MLF1: variants seen among roughly 807,000 people sequenced by gnomAD.
The protein encoded by MLF1 is myelodysplasia-myeloid leukemia factor 1.
Under a neutral mutation model 38.3 loss-of-function variants are expected in MLF1, and 37 were observed. The ratio of observed to expected loss-of-function variants is 0.96; its 90% CI spans 0.74 to 1.27. MLF1 has a LOEUF of 1.27. Among genes scored for constraint, MLF1 ranks in the 50% most tolerant of loss-of-function variants. The probability of loss-of-function intolerance (pLI) is 0.00; values close to 1 mark genes in which losing one functional copy is unlikely to be tolerated. For synonymous variants in MLF1, 95 were observed against 106.5 expected (o/e 0.89, Z 0.66); for missense variants, 331 against 349.2 (o/e 0.95, Z 0.42).
At position 158,605,018 on chromosome 3, in the gene MLF1, T is replaced by C. The variant is rs1720335700; in HGVS notation, c.747-79T>C. On this transcript the variant is annotated intron_variant, in intron 7 of 7. Coordinates refer to ENST00000466246, the MANE Select transcript of MLF1 (RefSeq NM_001369783.1). The stretch of plus-strand genomic sequence containing the variant: ...TAAAACTTTTCTTATATTACAGTGG[T>C]TTTTAACATGTTTGTATTGATTTAT... 1.1e-5 allele frequency: 12 copies of C among 1,067,874 alleles called. No individual in the cohort carries two copies. In the South Asian group the frequency reaches 1.8e-4, roughly 16 times the overall value. The allele number at this position is 1,067,874 out of a possible 1,614,324, so 66.1% of individuals were successfully genotyped here.
At chr3:158,602,031 T>C (rs1426722807) in intron 6 of MLF1, among the ~76,000 whole-genome samples, 1 of 152,152 alleles carries the variant, frequency 6.6e-6, no homozygotes, top group Non-Finnish European at 1.5e-5. Flanking sequence ...TTAGCCAGGA[T>C]GGTCTTGATC....
At chr3:158,587,135 A>G (rs1203208733) in intron 1 of MLF1, among the ~76,000 whole-genome samples, 1 of 152,238 alleles carries the variant, frequency 6.6e-6, no homozygotes, top group African/African-American at 2.4e-5. Flanking sequence ...CATGCTTGGG[A>G]TATACTAAAT....
intron 1 of MLF1, among the ~76,000 whole-genome samples, chr3:158,588,613 A>C (rs1412371631): frequency 2.1e-5 from 2 of 96,214 alleles, no homozygotes; most frequent in Non-Finnish European, 2.0e-5. Context: ...AAAAAAAAAA[A>C]AAAAAAAAAA....
chr3:158,571,350 G>C lies in MLF1; in HGVS notation c.47+3G>C. Reference sequence around the variant, plus strand: ...TTTGAGGATGACCCCTTCTTCTCGTGAGTTACGGGAGCCAGGAGTCCGGGG... The same window carrying C: ...TTTGAGGATGACCCCTTCTTCTCGTCAGTTACGGGAGCCAGGAGTCCGGGG... On this transcript the variant is annotated splice_donor_region_variant and intron_variant, in intron 1 of 7. Transcript: ENST00000466246. 1 of 1,613,190 alleles carries C rather than the reference G, an allele frequency of 6.2e-7. No homozygotes were observed. The highest frequency in any genetic ancestry group is 8.5e-7 in the Non-Finnish European group (1 of 1,179,950).
rs543464067 is a variant in MLF1, at chr3:158,585,960, G to A, written c.48-6474G>A. Among the ~76,000 whole-genome samples the A allele has an allele frequency of 5.9e-4, 90 of 152,140 alleles. 1 individual carries two copies. Among genetic ancestry groups the A allele is most frequent in the African/African-American group, 2.1e-3 (86 of 41,504 alleles). ...ATGGATTGCCTGAGGTCAGGAGTTC[G>A]AGACCAGCCAGGCCAACATAGTAAA... On this transcript the variant is annotated intron_variant, in intron 1 of 7. Transcript: ENST00000466246.
At chr3:158,597,773 C>G (rs1437630817) in intron 4 of MLF1, among the ~76,000 whole-genome samples, 3 of 152,170 alleles carry the variant, frequency 2.0e-5, no homozygotes, top group African/African-American at 7.2e-5. Flanking sequence ...TTATTGAAAT[C>G]TAAGCCACGA....
rs1412833293 is a variant in MLF1, at chr3:158,605,978, A to C, written c.*776A>C. The C allele has an allele frequency of 1.6e-5, 3 of 183,536 alleles. No homozygotes were observed. The highest frequency in any genetic ancestry group is 2.3e-5 in the Non-Finnish European group (2 of 86,418). 11.4% of individuals were successfully genotyped at this position (183,536 alleles called of 1,614,324 possible). On this transcript the variant is annotated 3_prime_UTR_variant, in exon 8 of 8. Coordinates refer to ENST00000466246, the MANE Select transcript of MLF1 (RefSeq NM_001369783.1). ...ATCTGTCTCCAAGGTTAACATTCTG[A>C]AGCTGGAGAGTCCTTGGAGAAACTC...
chr3:158,598,028 C>T, intron 4 of MLF1, 52 bp from the exon 5 acceptor site: 2 of 1,586,398 alleles, frequency 1.3e-6, no homozygotes, highest in Non-Finnish European at 1.7e-6. Context: ...AACTCTCTGG[C>T]AATAATTATT....
intron 7 of MLF1, among the ~76,000 whole-genome samples, chr3:158,603,433 G>A (rs947609309): frequency 6.6e-6 from 1 of 152,150 alleles, no homozygotes; most frequent in Non-Finnish European, 1.5e-5. Context: ...TACCATATTC[G>A]ATGTGTATTA....
chr3:158,589,342 G>C (rs879587638), intron 1 of MLF1, among the ~76,000 whole-genome samples: 1 of 152,034 alleles, frequency 6.6e-6, no homozygotes, highest in Non-Finnish European at 1.5e-5. Context: ...CTCCAGAGTA[G>C]CTGGGATTAC....
At chr3:158,588,063 TGATG>T (rs1717514651) in intron 1 of MLF1, among the ~76,000 whole-genome samples, 1 of 152,208 alleles carries the variant, frequency 6.6e-6, no homozygotes, top group Admixed American at 6.5e-5. Context: ...CTCTCACACA[TGATG>T]GCTTACTTCG....
chr3:158,596,421 G>T (rs1322117225), intron 3 of MLF1, among the ~76,000 whole-genome samples: 1 of 152,138 alleles, frequency 6.6e-6, no homozygotes. Context: ...GGTACTGCTG[G>T]AGGTGACACT....
chr3:158,576,265 A>G (rs1715407478), intron 1 of MLF1, among the ~76,000 whole-genome samples: 1 of 152,206 alleles, frequency 6.6e-6, no homozygotes, highest in Non-Finnish European at 1.5e-5. Flanking sequence ...GTATATTCAG[A>G]TATACCTTCT....
At chr3:158,598,597 G>A (rs968085716) in intron 5 of MLF1, among the ~76,000 whole-genome samples, 2 of 152,124 alleles carry the variant, frequency 1.3e-5, no homozygotes, top group Admixed American at 6.6e-5. Context: ...TATTTCAAGT[G>A]TACAGAAAGG....
At chr3:158,599,568 A>G (rs1002739333) in intron 5 of MLF1, among the ~76,000 whole-genome samples, 1 of 152,212 alleles carries the variant, frequency 6.6e-6, no homozygotes, top group Non-Finnish European at 1.5e-5. Context: ...ACAGTAAATC[A>G]TGTTAGTTGC....
At chr3:158,597,131 A>G (rs1032003113) in intron 4 of MLF1, among the ~76,000 whole-genome samples, 186 bp downstream of exon 4, 1 of 152,082 alleles carries the variant, frequency 6.6e-6, no homozygotes, top group Non-Finnish European at 1.5e-5. Flanking sequence ...AAAAATGACT[A>G]TACTATTTAC....
At chr3:158,571,450 C>A in intron 1 of MLF1, 103 bp downstream of exon 1, 2 of 1,421,766 alleles carry the variant, frequency 1.4e-6, no homozygotes, top group South Asian at 1.2e-5. Context: ...AGAGAGAATT[C>A]GGAGTAACTC....
chr3:158,597,228 G>T (rs1256382118), intron 4 of MLF1, among the ~76,000 whole-genome samples: 2 of 151,684 alleles, frequency 1.3e-5, no homozygotes, highest in Non-Finnish European at 2.9e-5. Context: ...CTCCAAGTTT[G>T]AAAAATAATG....
chr3:158,589,474 T>C (rs907713339), intron 1 of MLF1, among the ~76,000 whole-genome samples: 2 of 152,074 alleles, frequency 1.3e-5, no homozygotes, highest in African/African-American at 4.8e-5. Flanking sequence ...CCTCCCAAAG[T>C]GCTGGGATTA....
Sources: allele counts gnomAD v4.1 joint callset (sites outside exome capture counted in the v4.1 genomes callset), GRCh38; gene constraint gnomAD v4.1.1; transcripts MANE v1.5; gene names NCBI Gene and HGNC (gene_info 2026-07-23, HGNC 2026-07-21).